The following VEGFD variants were observed in gnomAD, a reference collection of about 807,000 sequenced individuals.
The protein encoded by VEGFD is c-fos induced growth factor (vascular endothelial growth factor D).
VEGFD carries 26 observed loss-of-function variants against 28.0 expected under a neutral mutation model. The ratio of observed to expected loss-of-function variants is 0.93; its 90% confidence interval spans 0.68 to 1.29. The LOEUF (loss-of-function observed/expected upper bound fraction) is 1.29. VEGFD is among the 50% of genes most tolerant of loss of function. The pLI is 0.00. For missense variants in VEGFD, 294 were observed against 273.4 expected (o/e 1.08, Z -0.53); for synonymous variants, 93 against 95.5 (o/e 0.97, Z 0.15).
rs1195037238 is a variant in VEGFD, at chrX:15,363,294, C to G, written c.116G>C (p.Arg39Pro). The G allele has an allele frequency of 5.0e-6, 6 of 1,210,785 alleles. No individual in the cohort carries two copies. The highest frequency in any genetic ancestry group is 6.7e-6 in the Non-Finnish European group (6 of 894,853). ...VKRSSQSTLE[R>P]SEQQIRAASS... ...AGCAGCCCTGATCTGCTGTTCAGATCGTTCCAATGTGGACTGAGATGATCG... is the reference window on the plus strand; with the variant it reads ...AGCAGCCCTGATCTGCTGTTCAGATGGTTCCAATGTGGACTGAGATGATCG... The change falls in exon 2 of 7, where the codon CGA becomes CCA. Residue 39 changes from arginine to proline, a missense_variant. By Grantham distance (103) the Arg-to-Pro change is moderately radical. Transcript: ENST00000297904.
chrX:15,360,363 G>A (rs1381270980), intron 2 of VEGFD, among the ~76,000 whole-genome samples: 2 of 99,522 alleles, frequency 2.0e-5, no homozygotes, highest in East Asian at 3.0e-4. Flanking sequence ...TTTTTGAGAC[G>A]GGGTCTCACT....
chrX:15,360,362 C>CG (rs1569185118), intron 2 of VEGFD, among the ~76,000 whole-genome samples: 1 of 96,322 alleles, frequency 1.0e-5, no homozygotes, highest in Non-Finnish European at 2.1e-5. Flanking sequence ...TTTTTTGAGA[C>CG]GGGGTCTCAC....
intron 1 of VEGFD, among the ~76,000 whole-genome samples, chrX:15,365,523 T>C (rs1205894318): frequency 1.8e-5 from 2 of 112,254 alleles, no homozygotes; most frequent in Non-Finnish European, 1.9e-5. Flanking sequence ...TAAATCAAGT[T>C]GTATTGACAC....
intron 1 of VEGFD, among the ~76,000 whole-genome samples, chrX:15,382,244 C>T (rs910856078): frequency 9.1e-6 from 1 of 110,292 alleles, no homozygotes; most frequent in African/African-American, 3.3e-5. Context: ...CACTTGAACC[C>T]GGGAGGCAGA....
At position 15,373,779 on chromosome X, in the gene VEGFD, C is replaced by A. The variant is rs373402588; in HGVS notation, c.90+10078G>T. 1.3e-4 allele frequency among the ~76,000 whole-genome samples: 14 copies of A among 111,584 alleles called. No homozygotes were observed. The East Asian group carries it at 3.1e-3, about 25-fold the overall frequency. ...GTTCCATGTTCCCTCTACCTCTTAG[C>A]AGCTTCTTCTGTTTCACTGGAAGAG... On this transcript the variant is annotated intron_variant, in intron 1 of 6. Coordinates refer to ENST00000297904, the MANE Select transcript of VEGFD (RefSeq NM_004469.5).
chrX:15,371,722 C>T (rs1923313193), intron 1 of VEGFD, among the ~76,000 whole-genome samples: 1 of 111,983 alleles, frequency 8.9e-6, no homozygotes, highest in African/African-American at 3.2e-5. Context: ...TTATTCATTA[C>T]CCAAAACTGA....
rs147371740 is a variant in VEGFD at position 15,363,463 on chromosome X, G to T, written c.91-144C>A. ...AACGTATGCCAGTGCCTAGGAAAAAGGATATCTTCTAGTATTTTTGGTTTA... is the reference window on the plus strand; with the variant it reads ...AACGTATGCCAGTGCCTAGGAAAAATGATATCTTCTAGTATTTTTGGTTTA... On this transcript the variant is annotated intron_variant, in intron 1 of 6. Coordinates refer to ENST00000297904, the MANE Select transcript of VEGFD (RefSeq NM_004469.5). 546 of 492,586 alleles carry T rather than the reference G, an allele frequency of 1.1e-3. 1 individual carries two copies. The East Asian group carries it at 0.015, about 14-fold the overall frequency. The allele number at this position is 492,586 out of a possible 1,213,427, so 40.6% of individuals were successfully genotyped here.
rs747891635 is a variant in VEGFD at position 15,363,140 on chromosome X, C to T, written c.270G>A (p.Ala90=). Reference sequence around the variant, plus strand: ...GTGTTTCAATGTCATAGAAAGTTGCCGCAAACCTAGTGGACCGATGGGATG... The same window carrying T: ...GTGTTTCAATGTCATAGAAAGTTGCTGCAAACCTAGTGGACCGATGGGATG... The part of the protein sequence containing the change: ...RSASHRSTRF[A]ATFYDIETLK... Residue 90 remains alanine, a synonymous_variant, in exon 2 of 7, where the codon GCG becomes GCA. Transcript: ENST00000297904. 1.4e-5 allele frequency: 17 copies of T among 1,209,224 alleles called. No individual in the cohort carries two copies. Among genetic ancestry groups the T allele is most frequent in the South Asian group, 8.8e-5 (5 of 56,750 alleles).
At chrX:15,362,718 C>T (rs999686386) in intron 2 of VEGFD, among the ~76,000 whole-genome samples, 3 of 111,544 alleles carry the variant, frequency 2.7e-5, no homozygotes, top group African/African-American at 9.8e-5. Context: ...CATGCCTGGC[C>T]ATCTTTGGTT....
chrX:15,378,973 C>A (rs1914246274), intron 1 of VEGFD, among the ~76,000 whole-genome samples: 1 of 111,318 alleles, frequency 9.0e-6, no homozygotes, highest in Non-Finnish European at 1.9e-5. Flanking sequence ...GGCTCCCTGG[C>A]TAATACCCAG....
At chrX:15,373,196 G>A (rs1030568272) in intron 1 of VEGFD, among the ~76,000 whole-genome samples, 22 of 112,321 alleles carry the variant, frequency 2.0e-4, no homozygotes, top group Non-Finnish European at 5.6e-5. Flanking sequence ...TACATGCCAA[G>A]TGGAAGAGGC....
chrX:15,366,644 G>A (rs896466608), intron 1 of VEGFD, among the ~76,000 whole-genome samples: 9 of 111,841 alleles, frequency 8.0e-5, no homozygotes, highest in African/African-American at 2.9e-4. Context: ...CTCAGCTCAC[G>A]TCCTAGTTGC....
At chrX:15,370,378 T>G (rs1005804660) in intron 1 of VEGFD, among the ~76,000 whole-genome samples, 1 of 112,135 alleles carries the variant, frequency 8.9e-6, no homozygotes, top group African/African-American at 3.2e-5. Context: ...CATCACTACA[T>G]CACTTGTCTT....
At chrX:15,349,947 C>T (rs926637932) in intron 5 of VEGFD, among the ~76,000 whole-genome samples, 2 of 111,620 alleles carry the variant, frequency 1.8e-5, no homozygotes, top group African/African-American at 3.3e-5. Context: ...GTCCACCCTG[C>T]GCCTCTCACT....
intron 1 of VEGFD, among the ~76,000 whole-genome samples, chrX:15,375,966 G>A (rs1017918681): frequency 9.0e-6 from 1 of 111,190 alleles, no homozygotes; most frequent in Admixed American, 9.6e-5. Context: ...ATATGTGGGG[G>A]CAGATGGGTG....
chrX:15,346,160 C>T lies in VEGFD; in HGVS notation c.1038G>A (p.Gln346=). 1.7e-6 allele frequency: 2 copies of T among 1,211,256 alleles called. No individual in the cohort carries two copies. Among genetic ancestry groups the T allele is most frequent in the Non-Finnish European group, 2.2e-6 (2 of 895,278 alleles). ...AAGGATTCTTTCGGCTGTGGGGCCC[C>T]TGGGCAGCCCTTTTCTCCTTTGGAA... is the stretch of plus-strand genomic sequence containing the variant. ...CRFPKEKRAA[Q]GPHSRKNP The change falls in exon 7 of 7, where the codon CAG becomes CAA. Residue 346 remains glutamine, a synonymous_variant. Transcript: ENST00000297904.
intron 1 of VEGFD, among the ~76,000 whole-genome samples, chrX:15,364,564 G>C (rs1200112666): frequency 8.9e-6 from 1 of 112,174 alleles, no homozygotes; most frequent in Non-Finnish European, 1.9e-5. Flanking sequence ...GAATGTGCTG[G>C]AGAAATGATA....
intron 1 of VEGFD, among the ~76,000 whole-genome samples, chrX:15,363,888 G>A (rs1378543786): frequency 8.9e-6 from 1 of 112,266 alleles, no homozygotes; most frequent in Non-Finnish European, 1.9e-5. Context: ...CTCTCCAAGA[G>A]TGTTTTGAGG....
rs751171329 is a variant in VEGFD at position 15,347,307 on chromosome X, G to A, written c.795C>T (p.Asp265=). Residue 265 remains aspartate, a synonymous_variant, in exon 6 of 7, where the codon GAC becomes GAT. Transcript: ENST00000297904. ...PALCGPHMMF[D]EDRCECVCKT... ...TACAGACACACTCGCAACGATCTTC[G>A]TCAAACATCATGTGTGGCCCACAGA... 35 of 1,209,439 alleles carry A rather than the reference G, an allele frequency of 2.9e-5. No individual in the cohort carries two copies. The highest frequency in any genetic ancestry group is 2.3e-4 in the Middle Eastern group (1 of 4,356).
Sources: gnomAD v4.1 joint callset for allele counts (sites outside exome capture counted in the v4.1 genomes callset) on GRCh38, gnomAD v4.1.1 for gene constraint, MANE v1.5 for transcripts, NCBI Gene and HGNC (gene_info 2026-07-23, HGNC 2026-07-21) for gene names.